Variants in MTFR1 observed in about 807,000 individuals in gnomAD.
MTFR1 encodes mitochondrial fission regulator 1, also known as chondrocyte protein with a poly-proline region.
In MTFR1, 28 loss-of-function variants were observed where a neutral mutation model predicts 38.8. The observed-to-expected ratio is 0.72, with a 90% CI of 0.53 to 0.99. MTFR1 has a LOEUF of 0.99. Among genes scored for constraint, MTFR1 ranks in the 50% least tolerant of loss-of-function variants. The pLI is 0.00. For missense variants in MTFR1, 358 were observed against 395.5 expected (o/e 0.91, Z 0.81); for synonymous variants, 145 against 137.0 (o/e 1.06, Z -0.41).
intron 3 of MTFR1, among the ~76,000 whole-genome samples, chr8:65,741,942 C>T (rs930940091): frequency 1.3e-5 from 2 of 152,140 alleles, no homozygotes; most frequent in Admixed American, 6.6e-5. Context: ...AATGTCCCCA[C>T]CAAAGGAATC....
At chr8:65,690,203 A>G (rs1805230115) in intron 3 of MTFR1, among the ~76,000 whole-genome samples, 1 of 152,184 alleles carries the variant, frequency 6.6e-6, no homozygotes. Context: ...TATCCTGAAA[A>G]TGAGTTAACT....
chr8:65,739,560 A>C (rs1807312788), intron 3 of MTFR1: 2 of 1,562,164 alleles, frequency 1.3e-6, no homozygotes, highest in African/African-American at 2.8e-5. Flanking sequence ...ATCCATGAAG[A>C]CTAAATAAAT....
intron 2 of MTFR1, among the ~76,000 whole-genome samples, chr8:65,677,384 CTTTTT>C (rs771296415): frequency 1.9e-5 from 2 of 104,678 alleles, no homozygotes; most frequent in African/African-American, 3.5e-5. Context: ...TTAGCTGTTT[CTTTTT>C]TTTTTTTTTT....
At chr8:65,764,032 T>C (rs1187980120) in intron 3 of MTFR1, among the ~76,000 whole-genome samples, 3 of 152,212 alleles carry the variant, frequency 2.0e-5, no homozygotes, top group South Asian at 2.1e-4. Context: ...ACCTGGAAAC[T>C]AGGTGAAAGT....
chr8:65,652,233 A>G (rs1345305852), intron 1 of MTFR1, among the ~76,000 whole-genome samples: 1 of 152,024 alleles, frequency 6.6e-6, no homozygotes, highest in African/African-American at 2.4e-5. Context: ...CAACCTCCCA[A>G]GTAGCTGGGA....
At chr8:65,767,264 C>T (rs1808837045) in intron 3 of MTFR1, among the ~76,000 whole-genome samples, 1 of 152,158 alleles carries the variant, frequency 6.6e-6, no homozygotes, top group Admixed American at 6.5e-5. Flanking sequence ...CAATGACCAG[C>T]ATAGTATGAA....
At position 65,669,921 on chromosome 8, in the gene MTFR1, A is replaced by G; in HGVS notation, c.-32A>G. ...CTATGTATGCCTGAAGAAGTACTTG[A>G]AATGCAAATTTGGGGAGACTTTGCC... On this transcript the variant is annotated 5_prime_UTR_variant, in exon 2 of 8. Transcript: ENST00000262146. 1 of 1,593,928 alleles carries G rather than the reference A, an allele frequency of 6.3e-7. No individual in the cohort carries two copies. Among genetic ancestry groups the G allele is most frequent in the Non-Finnish European group, 8.5e-7 (1 of 1,170,378 alleles).
intron 1 of MTFR1, among the ~76,000 whole-genome samples, chr8:65,646,629 A>G (rs1808970966): frequency 6.6e-6 from 1 of 152,220 alleles, no homozygotes; most frequent in Admixed American, 6.5e-5. Context: ...CACTTTGCAA[A>G]GGCCGAGGCA....
intron 1 of MTFR1, among the ~76,000 whole-genome samples, chr8:65,662,002 C>T (rs372317408): frequency 7.2e-6 from 1 of 139,114 alleles, no homozygotes; most frequent in Non-Finnish European, 1.5e-5. Context: ...AAGCCCTCTC[C>T]CTCTCCCTCT....
At chr8:65,732,998 C>T (rs1806963190) in intron 3 of MTFR1, among the ~76,000 whole-genome samples, 1 of 152,066 alleles carries the variant, frequency 6.6e-6, no homozygotes, top group South Asian at 2.1e-4. Flanking sequence ...CATGAGTCAC[C>T]GTGCCCAGTC....
intron 1 of MTFR1, among the ~76,000 whole-genome samples, chr8:65,664,868 G>A (rs956728741): frequency 4.6e-5 from 7 of 150,872 alleles, no homozygotes; most frequent in Admixed American, 2.6e-4. Flanking sequence ...GATTACAGGC[G>A]TGAGCCACCG....
At chr8:65,766,470 A>C (rs951210343) in intron 3 of MTFR1, among the ~76,000 whole-genome samples, 1 of 152,242 alleles carries the variant, frequency 6.6e-6, no homozygotes, top group Admixed American at 6.5e-5. Flanking sequence ...GTTGAATGAA[A>C]GCAGGAACTT....
chr8:65,687,446 C>T (rs372337193), intron 3 of MTFR1, among the ~76,000 whole-genome samples: 2 of 151,216 alleles, frequency 1.3e-5, no homozygotes, highest in South Asian at 2.1e-4. Flanking sequence ...CCCAGGTTCA[C>T]GCCATTCTCC....
chr8:65,775,372 T>C (rs1302344218), downstream of MTFR1, among the ~76,000 whole-genome samples: 3 of 152,248 alleles, frequency 2.0e-5, no homozygotes, highest in Non-Finnish European at 4.4e-5. Context: ...AGTTGACTTA[T>C]TTCATTCTTT....
At chr8:65,734,926 G>C in intron 3 of MTFR1, 1 of 1,333,744 alleles carries the variant, frequency 7.5e-7, no homozygotes, top group Non-Finnish European at 1.1e-6. Context: ...CGATTTTATT[G>C]TATATGAGCA....
intron 3 of MTFR1, among the ~76,000 whole-genome samples, chr8:65,754,808 T>C (rs1808144233): frequency 6.7e-6 from 1 of 148,534 alleles, no homozygotes; most frequent in South Asian, 2.2e-4. Context: ...CTACTAAAAA[T>C]ACAAAAATAA....
chr8:65,703,200 G>C (rs1479799734), intron 4 of MTFR1, among the ~76,000 whole-genome samples: 1 of 151,450 alleles, frequency 6.6e-6, no homozygotes, highest in Non-Finnish European at 1.5e-5. Flanking sequence ...AACATTGTGA[G>C]ACCCTGTCTC....
At chr8:65,714,183 G>GC (rs1004438038), downstream of MTFR1, among the ~76,000 whole-genome samples, 7 of 149,816 alleles carry the variant, frequency 4.7e-5, no homozygotes, top group Admixed American at 1.3e-4. Context: ...AATTTTTAAT[G>GC]CCCCCCTTTA....
Position 65,704,775 on chromosome 8 carries a change from A to C in MTFR1, c.363A>C (p.Pro121=). The C allele has an allele frequency of 1.2e-6, 2 of 1,614,128 alleles. No homozygotes were observed. Among genetic ancestry groups the C allele is most frequent in the East Asian group, 4.5e-5 (2 of 44,866 alleles). The part of the protein sequence containing the change: ...EKAPSRQISL[P]DLSQEEPQLK... ...CCCCAAGCAGACAGATTTCCTTACCAGACTTGTCTCAAGAAGAGCCTCAGC... is the reference window on the plus strand; with the variant it reads ...CCCCAAGCAGACAGATTTCCTTACCCGACTTGTCTCAAGAAGAGCCTCAGC... The change falls in exon 5 of 8, where the codon CCA becomes CCC. Residue 121 remains proline (P), a synonymous_variant. Coordinates refer to ENST00000262146, the MANE Select transcript of MTFR1 (RefSeq NM_014637.4).
Sources: allele counts gnomAD v4.1 joint callset (sites outside exome capture counted in the v4.1 genomes callset), GRCh38; gene constraint gnomAD v4.1.1; transcripts MANE v1.5; gene names NCBI Gene and HGNC (gene_info 2026-07-23, HGNC 2026-07-21).